Variants in EPHB4 observed in about 807,000 individuals in gnomAD.
The protein encoded by EPHB4 is EPH receptor B4, also known as ephrin type-B receptor 4.
EPHB4 carries 50 observed loss-of-function variants against 110.6 expected under a neutral mutation model. That is an observed-to-expected ratio of 0.45 (90% CI 0.36 to 0.57). The LOEUF (loss-of-function observed/expected upper bound fraction) is 0.57, where lower values mean the gene tolerates loss of function less well. EPHB4 is among the 20% of genes least tolerant of loss of function. EPHB4 has a pLI of 0.00. For synonymous variants in EPHB4, 592 were observed against 578.4 expected, an observed-to-expected ratio of 1.02 and a Z score of -0.34; for missense variants, 1,128 against 1,382.1, an observed-to-expected ratio of 0.82 and a Z score of 2.91.
rs780310822 is a variant in EPHB4, at chr7:100,823,794, G to A, written c.261C>T (p.Tyr87=). ...WVPRRGAVHV[Y]ATLRFTMLEC... ...CGAGCATGGTGAAGCGCAGCGTGGC[G>A]TACACGTGGACGGCGCCCCGCCGTG... Residue 87 remains tyrosine (Y), a synonymous_variant, in exon 3 of 17, where the codon TAC becomes TAT. Coordinates refer to ENST00000358173, the MANE Select transcript of EPHB4 (RefSeq NM_004444.5). The A allele has an allele frequency of 7.4e-6, 12 of 1,613,342 alleles. No individual in the cohort carries two copies. Among genetic ancestry groups the A allele is most frequent in the Admixed American group, 3.3e-5 (2 of 60,004 alleles).
intron 14 of EPHB4, chr7:100,806,158 C>G (rs189802238): frequency 3.5e-6 from 1 of 283,978 alleles, no homozygotes. Context: ...CGGGGTTTCA[C>G]CATGTTGGCC....
Position 100,813,987 on chromosome 7 carries a change from A to G in EPHB4, c.1623T>C (p.Ile541=), listed in dbSNP as rs1438459174. The part of the protein sequence containing the change: ...SEGWREQLAL[I]AGTAVVGVVL... Reference sequence around the variant, plus strand: ...CCACACCCACGACTGCCGTGCCCGCAATCAGGGCCAGCTGCTCCCGCCAGC... The same window carrying G: ...CCACACCCACGACTGCCGTGCCCGCGATCAGGGCCAGCTGCTCCCGCCAGC... The change falls in exon 9 of 17, where the codon ATT becomes ATC. Residue 541 remains isoleucine (I), a synonymous_variant. Coordinates refer to ENST00000358173, the MANE Select transcript of EPHB4 (RefSeq NM_004444.5). 3 of 1,613,996 alleles carry G rather than the reference A, an allele frequency of 1.9e-6. No homozygotes were observed. The African/African-American group carries it at 4.0e-5, about 22-fold the overall frequency.
In EPHB4 at chr7:100,822,381, G is replaced by T; in HGVS notation, c.698C>A (p.Pro233His). The T allele has an allele frequency of 6.4e-7, 1 of 1,573,398 alleles. No individual in the cohort carries two copies. The highest frequency in any genetic ancestry group is 8.6e-7 in the Non-Finnish European group (1 of 1,158,494). The change falls in exon 4 of 17, where the codon CCC becomes CAC. Residue 233 changes from proline to histidine, a missense_variant. Physicochemically the swap from Pro to His is moderately conservative, Grantham distance 77. Around this residue, in one of 3 missense-constraint regions of EPHB4, gnomAD observed 728 missense variants for 828.6 expected, o/e 0.88. Coordinates refer to ENST00000358173, the MANE Select transcript of EPHB4 (RefSeq NM_004444.5). The surrounding 1 kb of genome is among the most constrained non-coding windows in gnomAD (Gnocchi z 4.7). ...CVVDAVPAPG[P>H]SPSLYCREDG... Reference sequence around the variant, plus strand: ...CTCACGGCAGTAGAGGCTGGGGCTGGGGCCAGGGGCGGGGACGGCATCCAC... The same window carrying T: ...CTCACGGCAGTAGAGGCTGGGGCTGTGGCCAGGGGCGGGGACGGCATCCAC...
At chr7:100,817,042 C>T in intron 8 of EPHB4, 150 bp downstream of exon 8, 2 of 877,178 alleles carry the variant, frequency 2.3e-6, no homozygotes, top group Non-Finnish European at 3.1e-6. Flanking sequence ...GAGATGGTGC[C>T]ACTGCACTCC....
chr7:100,817,058 G>A lies in EPHB4; in HGVS notation c.1588+134C>T. 5 of 1,070,848 alleles carry A rather than the reference G, an allele frequency of 4.7e-6. No homozygotes were observed. In the South Asian group the frequency reaches 1.2e-4, roughly 25 times the overall value. The allele number at this position is 1,070,848 out of a possible 1,614,324, so 66.3% of individuals were successfully genotyped here. Reference sequence around the variant, plus strand: ...AGATGGTGCCACTGCACTCCAGCCTGAGGGACAGAGCAAGACTCCATCTCA... The same window carrying A: ...AGATGGTGCCACTGCACTCCAGCCTAAGGGACAGAGCAAGACTCCATCTCA... On this transcript the variant is annotated intron_variant, in intron 8 of 16. Coordinates refer to ENST00000358173, the MANE Select transcript of EPHB4 (RefSeq NM_004444.5).
In EPHB4 at chr7:100,818,376, G is replaced by A. The variant is rs1162036677; in HGVS notation, c.1422+144C>T. ...GATGAAGAGTCTGAGGCTCAGACAG[G>A]CCAAGGGGCTTACCCAAGGCTGCCC... is the stretch of plus-strand genomic sequence containing the variant. On this transcript the variant is annotated intron_variant, in intron 7 of 16. Transcript: ENST00000358173. The A allele has an allele frequency of 1.1e-5, 14 of 1,248,528 alleles. No homozygotes were observed. The South Asian group carries it at 1.3e-4, about 12-fold the overall frequency. The allele number at this position is 1,248,528 out of a possible 1,614,324, so 77.3% of individuals were successfully genotyped here.
At position 100,813,924 on chromosome 7, in the gene EPHB4, G is replaced by A. The variant is rs777357694; in HGVS notation, c.1686C>T (p.Cys562=). Residue 562 remains cysteine (C), a synonymous_variant, in exon 9 of 17, where the codon TGC becomes TGT. Transcript: ENST00000358173. The part of the protein sequence containing the change: ...VLVVIVVAVL[C]LRKQSNGREA... ...CTGGGTGTCAGAGCCCTTACCTGAG[G>A]CAGAGAACTGCGACCACAATGACCA... 16 of 1,614,112 alleles carry A rather than the reference G, an allele frequency of 9.9e-6. No individual in the cohort carries two copies. The highest frequency in any genetic ancestry group is 1.4e-5 in the Non-Finnish European group (16 of 1,180,002).
chr7:100,815,138 G>GT (rs1813036073), intron 8 of EPHB4, among the ~76,000 whole-genome samples: 1 of 151,916 alleles, frequency 6.6e-6, no homozygotes, highest in Non-Finnish European at 1.5e-5. Context: ...GGGAAACATG[G>GT]TGAAACCCTG....
intron 12 of EPHB4, among the ~76,000 whole-genome samples, chr7:100,808,193 C>A (rs1283238796): frequency 6.6e-6 from 1 of 152,144 alleles, no homozygotes; most frequent in Non-Finnish European, 1.5e-5. Context: ...GCTTTATACC[C>A]AGGAAATACT....
chr7:100,823,538 G>A (rs1358756078), intron 3 of EPHB4, 106 bp downstream of exon 3: 2 of 1,405,956 alleles, frequency 1.4e-6, no homozygotes, highest in Non-Finnish European at 9.6e-7. Flanking sequence ...AGCCCCCAGC[G>A]CGCGGGCCAG....
chr7:100,809,531 T>C (rs924599757), intron 12 of EPHB4, among the ~76,000 whole-genome samples: 18 of 152,086 alleles, frequency 1.2e-4, no homozygotes, highest in African/African-American at 4.3e-4. Context: ...CCCATCTCTC[T>C]CTCTTTTTAA....
In EPHB4 at chr7:100,803,494, C is replaced by T. The variant is rs776048181; in HGVS notation, c.2931G>A (p.Pro977=). Residue 977 remains proline (P), a synonymous_variant, in exon 17 of 17, where the codon CCG becomes CCA. Coordinates refer to ENST00000358173, the MANE Select transcript of EPHB4 (RefSeq NM_004444.5). Reference sequence around the variant, plus strand: ...GCGGGGCCGGTCCTCCTGTCCCACCCGGGGTTCCCGGCTTGGCCTGGGACT... The same window carrying T: ...GCGGGGCCGGTCCTCCTGTCCCACCTGGGGTTCCCGGCTTGGCCTGGGACT... ...HMKSQAKPGT[P]GGTGGPAPQY is the part of the protein sequence containing the mutation. 581 of 1,584,112 alleles carry T rather than the reference C, an allele frequency of 3.7e-4. 2 individuals are homozygous for T. Among genetic ancestry groups the T allele is most frequent in the Non-Finnish European group, 4.0e-4 (471 of 1,163,940 alleles).
At chr7:100,817,697 T>G (rs905762302) in intron 7 of EPHB4, among the ~76,000 whole-genome samples, 3 of 151,346 alleles carry the variant, frequency 2.0e-5, no homozygotes, top group African/African-American at 7.3e-5. Flanking sequence ...CTCAGCTGAT[T>G]TTGCTATTTG....
Position 100,818,653 on chromosome 7 carries a change from G to A in EPHB4, c.1298-9C>T, listed in dbSNP as rs530205031. 1 of 1,606,184 alleles carries A rather than the reference G, an allele frequency of 6.2e-7. No homozygotes were observed. The highest frequency in any genetic ancestry group is 2.2e-5 in the East Asian group (1 of 44,852). ...AGACACTGCAGGAGGTACTGTGAGA[G>A]GCAGAGACACAGGGAACCCTTGTGC... On this transcript the variant is annotated splice_polypyrimidine_tract_variant and intron_variant, in intron 6 of 16. Transcript: ENST00000358173.
Position 100,813,135 on chromosome 7 carries a change from G to A in EPHB4, c.1830C>T (p.Ile610=), listed in dbSNP as rs760765847. ...CTTCAATCTTGACGTAGGAGACATC[G>A]ATCTCTTTTGCAAATTCCCTCACAG... The part of the protein sequence containing the change: ...NEAVREFAKE[I]DVSYVKIEEV... Residue 610 remains isoleucine (I), a synonymous_variant, in exon 11 of 17, where the codon ATC becomes ATT. Transcript: ENST00000358173. 1.2e-5 allele frequency: 20 copies of A among 1,612,138 alleles called. No individual in the cohort carries two copies. The highest frequency in any genetic ancestry group is 1.7e-5 in the Admixed American group (1 of 59,988).
At position 100,812,846 on chromosome 7, in the gene EPHB4, G is replaced by A. The variant is rs1317100272; in HGVS notation, c.2019C>T (p.His673=). 3 of 1,614,114 alleles carry A rather than the reference G, an allele frequency of 1.9e-6. No individual in the cohort carries two copies. Among genetic ancestry groups the A allele is most frequent in the Non-Finnish European group, 2.5e-6 (3 of 1,180,052 alleles). Residue 673 remains histidine, a synonymous_variant, in exon 12 of 17, where the codon CAC becomes CAT. Coordinates refer to ENST00000358173, the MANE Select transcript of EPHB4 (RefSeq NM_004444.5). ...SEASIMGQFE[H]PNIIRLEGVV... ...CGCCCTCCAGGCGGATGATATTGGG[G>A]TGCTCGAACTGGCCCATGATGGAGG...
intron 4 of EPHB4, 40 bp from the exon 5 acceptor site, chr7:100,820,336 A>C (rs773737565): frequency 6.2e-7 from 1 of 1,605,650 alleles, no homozygotes; most frequent in Non-Finnish European, 8.5e-7. Flanking sequence ...ATGCACAAAA[A>C]CATCCATCTG....
rs1241833146 is a variant in EPHB4, at chr7:100,805,531, C to A, written c.2648G>T (p.Ser883Ile). The change falls in exon 15 of 17, where the codon AGC becomes ATC. Residue 883 changes from serine (S) to isoleucine (I), a missense_variant. By Grantham distance (142) the Ser-to-Ile change is moderately radical. Around this residue, in one of 3 missense-constraint regions of EPHB4, gnomAD observed 209 missense variants for 240.5 expected, o/e 0.87. Transcript: ENST00000358173. ...ALDKMIRNPA[S>I]LKIVARENGG... Reference sequence around the variant, plus strand: ...ATTCTCCCGGGCCACGATTTTGAGGCTGGCGGGGTTCCGGATCATCTTGTC... The same window carrying A: ...ATTCTCCCGGGCCACGATTTTGAGGATGGCGGGGTTCCGGATCATCTTGTC... 2.0e-6 allele frequency: 3 copies of A among 1,525,142 alleles called. No individual in the cohort carries two copies. The highest frequency in any genetic ancestry group is 2.6e-6 in the Non-Finnish European group (3 of 1,136,824). The allele number at this position is 1,525,142 out of a possible 1,614,324, so 94.5% of individuals were successfully genotyped here.
Position 100,822,332 on chromosome 7 carries a change from C to T in EPHB4, c.747G>A (p.Pro249=), listed in dbSNP as rs764268112. 30 of 1,567,032 alleles carry T rather than the reference C, an allele frequency of 1.9e-5. No homozygotes were observed. In the South Asian group the frequency reaches 2.1e-4, roughly 11 times the overall value. The change falls in exon 4 of 17, where the codon CCG becomes CCA. Residue 249 remains proline, a synonymous_variant. Coordinates refer to ENST00000358173, the MANE Select transcript of EPHB4 (RefSeq NM_004444.5). The surrounding 1 kb of genome is among the most constrained non-coding windows in gnomAD (Gnocchi z 4.7). ...CREDGQWAEQ[P]VTGCSCAPGF... ...CCGGAGCACAGCTGCAGCCCGTGAC[C>T]GGCTGTTCGGCCCACTGGCCATCCT...
Sources: allele counts gnomAD v4.1 joint callset (sites outside exome capture counted in the v4.1 genomes callset), GRCh38; gene constraint gnomAD v4.1.1; regional missense constraint gnomAD v4.1.1; non-coding constraint Gnocchi (gnomAD v3.1); transcripts MANE v1.5; gene names NCBI Gene and HGNC (gene_info 2026-07-23, HGNC 2026-07-21).